Variants in TMEM132C observed in about 807,000 individuals in gnomAD.
The protein encoded by TMEM132C is protein phosphatase 1, regulatory subunit 152.
Under a neutral mutation model 61.4 loss-of-function variants are expected in TMEM132C, and 29 were observed. The observed-to-expected ratio is 0.47, with a 90% confidence interval of 0.35 to 0.64. TMEM132C has a LOEUF of 0.64. Among genes scored for constraint, TMEM132C ranks in the 30% least tolerant of loss-of-function variants. TMEM132C has a pLI of 0.00. For missense variants in TMEM132C, 1,408 were observed against 1,476.9 expected (o/e 0.95, Z 0.76); for synonymous variants, 656 against 633.1 (o/e 1.04, Z -0.54).
At chr12:128,374,146 C>T (rs1182372271) in intron 1 of TMEM132C, among the ~76,000 whole-genome samples, 1 of 152,070 alleles carries the variant, frequency 6.6e-6, no homozygotes, top group East Asian at 1.9e-4. Flanking sequence ...GGGAGGGGCT[C>T]AGCATGTGGG....
At chr12:128,273,253 GA>G (rs1384940789) in intron 1 of TMEM132C, among the ~76,000 whole-genome samples, 2 of 152,038 alleles carry the variant, frequency 1.3e-5, no homozygotes, top group African/African-American at 4.8e-5. Flanking sequence ...ACATACTTAG[GA>G]TTTTTTTGTT....
chr12:128,619,617 A>G (rs1393614079), intron 4 of TMEM132C, among the ~76,000 whole-genome samples: 1 of 152,172 alleles, frequency 6.6e-6, no homozygotes, highest in African/African-American at 2.4e-5. Flanking sequence ...TCTTAGCTCC[A>G]CGACCCTCCT....
At chr12:128,376,218 A>G (rs1381452919) in intron 1 of TMEM132C, among the ~76,000 whole-genome samples, 1 of 152,232 alleles carries the variant, frequency 6.6e-6, no homozygotes, top group Non-Finnish European at 1.5e-5. Context: ...AGCCTGCCCT[A>G]ATTATTTCCT....
At chr12:128,347,976 A>G (rs1873225570) in intron 1 of TMEM132C, among the ~76,000 whole-genome samples, 1 of 152,200 alleles carries the variant, frequency 6.6e-6, no homozygotes, top group African/African-American at 2.4e-5. Context: ...ATTTTCTACA[A>G]AAAGGCAGCT....
At chr12:128,434,054 A>G (rs1034415624) in intron 2 of TMEM132C, among the ~76,000 whole-genome samples, 4 of 152,250 alleles carry the variant, frequency 2.6e-5, no homozygotes, top group Non-Finnish European at 5.9e-5. Flanking sequence ...GTGTGACTCC[A>G]TCCACAAGAG....
At chr12:128,420,093 G>A (rs2136026261) in intron 2 of TMEM132C, among the ~76,000 whole-genome samples, 1 of 152,272 alleles carries the variant, frequency 6.6e-6, no homozygotes, top group African/African-American at 2.4e-5. Flanking sequence ...CTACTTGGGA[G>A]GCTGAGGCAG....
chr12:128,428,256 T>C (rs1002401881), intron 2 of TMEM132C, among the ~76,000 whole-genome samples: 1 of 138,386 alleles, frequency 7.2e-6, no homozygotes, highest in South Asian at 2.4e-4. Context: ...TATAAAACTT[T>C]TGGGAGTTTC....
intron 5 of TMEM132C, among the ~76,000 whole-genome samples, chr12:128,685,493 A>G (rs1279378817): frequency 6.6e-6 from 1 of 152,086 alleles, no homozygotes; most frequent in African/African-American, 2.4e-5. Flanking sequence ...CCACACTGAG[A>G]GATTGTATTA....
At chr12:128,581,991 T>C (rs73426447) in intron 3 of TMEM132C, among the ~76,000 whole-genome samples, 1,986 of 152,252 alleles carry the variant, frequency 0.013, 44 homozygotes, top group African/African-American at 0.045. Context: ...CACCCAACTC[T>C]GTGGCAGACG....
intron 1 of TMEM132C, among the ~76,000 whole-genome samples, chr12:128,409,776 G>A (rs939342737): frequency 1.3e-5 from 2 of 152,098 alleles, no homozygotes; most frequent in African/African-American, 2.4e-5. Context: ...AGAGGGACCC[G>A]AGCCTTGGAA....
intron 2 of TMEM132C, among the ~76,000 whole-genome samples, chr12:128,453,753 G>A (rs1038543597): frequency 2.6e-5 from 4 of 152,230 alleles, no homozygotes; most frequent in Non-Finnish European, 5.9e-5. Flanking sequence ...TGTGTGTTGG[G>A]AGGTGAGGCA....
At chr12:128,641,546 G>T (rs1565999884) in intron 4 of TMEM132C, among the ~76,000 whole-genome samples, 1 of 152,182 alleles carries the variant, frequency 6.6e-6, no homozygotes, top group Non-Finnish European at 1.5e-5. Flanking sequence ...AGAGATTGGA[G>T]TGAGGTTGCT....
At chr12:128,353,401 C>T (rs148917384) in intron 1 of TMEM132C, among the ~76,000 whole-genome samples, 2 of 152,288 alleles carry the variant, frequency 1.3e-5, no homozygotes, top group East Asian at 3.9e-4. Flanking sequence ...ACGCTGCGAT[C>T]TGAGACCCCG....
At chr12:128,703,767 G>A (rs554468624) in intron 8 of TMEM132C, among the ~76,000 whole-genome samples, 1 of 152,170 alleles carries the variant, frequency 6.6e-6, no homozygotes, top group South Asian at 2.1e-4. Flanking sequence ...ACCTCTCTTT[G>A]GGCAGGAAGC....
intron 4 of TMEM132C, among the ~76,000 whole-genome samples, chr12:128,622,357 AAAAATATATATATATATATATATATATAT>A (rs1157775250): frequency 1.7e-5 from 1 of 60,266 alleles, no homozygotes; most frequent in African/African-American, 9.7e-5. Context: ...AAAAAAAAAA[AAAAATATATATATATATATATATATATAT>A]ATATATATAT....
Position 128,697,276 on chromosome 12 carries a change from T to C in TMEM132C, c.1982T>C (p.Leu661Pro). ...CTGGCAGAGAAGACAATAACCGTGC[T>C]AGATGACAAAGTATCGGTGACAGAC... is the stretch of plus-strand genomic sequence containing the variant. ...SILAEKTITVLDDKVSVTDLA... is the reference protein window; with the variant it reads ...SILAEKTITVPDDKVSVTDLA... Residue 661 changes from leucine to proline, a missense_variant, in exon 8 of 9, where the codon CTA becomes CCA. Transcript: ENST00000435159. The C allele has an allele frequency of 6.5e-7, 1 of 1,548,268 alleles. No individual in the cohort carries two copies. The highest frequency in any genetic ancestry group is 8.7e-7 in the Non-Finnish European group (1 of 1,144,074).
At chr12:128,361,142 C>T (rs900145605) in intron 1 of TMEM132C, among the ~76,000 whole-genome samples, 3 of 152,152 alleles carry the variant, frequency 2.0e-5, no homozygotes, top group Admixed American at 6.5e-5. Flanking sequence ...CTCGTTGCTC[C>T]GAGGAACTCA....
intron 1 of TMEM132C, among the ~76,000 whole-genome samples, chr12:128,355,727 C>T (rs565610247): frequency 2.0e-5 from 3 of 152,218 alleles, no homozygotes; most frequent in South Asian, 4.2e-4. Flanking sequence ...GTCCCTTAGA[C>T]GCTCAGGCAA....
chr12:128,317,096 AC>A (rs2135931403), intron 1 of TMEM132C, among the ~76,000 whole-genome samples: 1 of 152,252 alleles, frequency 6.6e-6, no homozygotes, highest in South Asian at 2.1e-4. Context: ...CCCATGTGGG[AC>A]TTTTTGGCTG....
Sources: gnomAD v4.1 joint callset for allele counts (sites outside exome capture counted in the v4.1 genomes callset) on GRCh38, gnomAD v4.1.1 for gene constraint, MANE v1.5 for transcripts, NCBI Gene and HGNC (gene_info 2026-07-23, HGNC 2026-07-21) for gene names.